DCTN5: variants seen among roughly 807,000 people sequenced by gnomAD.
The protein encoded by DCTN5 is dynactin subunit 5.
A neutral mutation model predicts 23.5 loss-of-function variants in DCTN5; 14 were observed. The observed-to-expected ratio is 0.60, with a 90% confidence interval of 0.39 to 0.93. The LOEUF is 0.93. Ranked by LOEUF, DCTN5 falls within the 40% of genes least tolerant of loss-of-function variation. The pLI, the probability that DCTN5 is intolerant of heterozygous loss-of-function variation, is 0.00. For synonymous variants in DCTN5, 67 were observed against 79.6 expected (o/e 0.84, Z 0.84); for missense variants, 156 against 225.9 (o/e 0.69, Z 1.98).
chr16:23,662,673 G>A (rs1464554086), intron 4 of DCTN5, among the ~76,000 whole-genome samples: 1 of 152,164 alleles, frequency 6.6e-6, no homozygotes. Flanking sequence ...GTACAGCAAA[G>A]GTGGACAGAA....
intron 4 of DCTN5, among the ~76,000 whole-genome samples, chr16:23,664,512 T>C (rs2140987253): frequency 6.6e-6 from 1 of 152,342 alleles, no homozygotes; most frequent in South Asian, 2.1e-4. Flanking sequence ...TCAGGTATAT[T>C]TTCTGATTGT....
intron 2 of DCTN5, among the ~76,000 whole-genome samples, chr16:23,650,033 G>T (rs1309362164): frequency 6.6e-6 from 1 of 151,590 alleles, no homozygotes; most frequent in Admixed American, 6.6e-5. Context: ...TAATTTCTAG[G>T]TTCTATTCTG....
intron 2 of DCTN5, among the ~76,000 whole-genome samples, chr16:23,646,582 T>TG (rs1239574289): frequency 2.0e-5 from 3 of 152,142 alleles, no homozygotes; most frequent in Non-Finnish European, 4.4e-5. Context: ...TTAATTTTTT[T>TG]TTTTGTTTTT....
intron 4 of DCTN5, among the ~76,000 whole-genome samples, chr16:23,663,361 G>A (rs550133001): frequency 6.6e-6 from 1 of 152,340 alleles, no homozygotes; most frequent in South Asian, 2.1e-4. Flanking sequence ...GGTAGCTGTA[G>A]TATTAGCAGC....
rs1967899449 is a variant in DCTN5 at position 23,666,026 on chromosome 16, A to C, written c.451+298A>C. Reference sequence around the variant, plus strand: ...GCTGTCTTCATAATAGAGTGATTTGAGGGGTGATACTCATGTCGGGATGGA... The same window carrying C: ...GCTGTCTTCATAATAGAGTGATTTGCGGGGTGATACTCATGTCGGGATGGA... On this transcript the variant is annotated intron_variant, in intron 5 of 5. Coordinates refer to ENST00000300087, the MANE Select transcript of DCTN5 (RefSeq NM_032486.4). 3 of 330,640 alleles carry C rather than the reference A, an allele frequency of 9.1e-6. No homozygotes were observed. In the Admixed American group the frequency reaches 1.4e-4, roughly 15 times the overall value. 20.5% of individuals were successfully genotyped at this position (330,640 alleles called of 1,614,324 possible).
intron 2 of DCTN5, among the ~76,000 whole-genome samples, chr16:23,649,344 T>C (rs1196605382): frequency 6.6e-6 from 1 of 152,234 alleles, no homozygotes; most frequent in Non-Finnish European, 1.5e-5. Context: ...GAAGATATGT[T>C]CTGCCATATT....
intron 2 of DCTN5, chr16:23,650,721 AC>A: frequency 1.3e-6 from 2 of 1,528,718 alleles, no homozygotes; most frequent in Non-Finnish European, 1.8e-6. Context: ...GCTGTTATGA[AC>A]AATCCATTTA....
rs771111092 is a variant in DCTN5, at chr16:23,669,030, G to A, written c.*1886G>A. The A allele has an allele frequency of 1.3e-5, 2 of 152,640 alleles. No homozygotes were observed. Among genetic ancestry groups the A allele is most frequent in the African/African-American group, 2.4e-5 (1 of 41,454 alleles). The allele number at this position is 152,640 out of a possible 1,614,324, so 9.5% of individuals were successfully genotyped here. ...TTTATAATTATGTGCTGATGTATTC[G>A]AAGATGTGTTGACAGTCGTGAGTGT... On this transcript the variant is annotated 3_prime_UTR_variant, in exon 6 of 6. Transcript: ENST00000300087.
chr16:23,646,413 A>C (rs972384519), intron 2 of DCTN5, among the ~76,000 whole-genome samples: 1 of 151,876 alleles, frequency 6.6e-6, no homozygotes, highest in Admixed American at 6.6e-5. Flanking sequence ...AAAAGTTTTT[A>C]ATTTTGAAGT....
chr16:23,647,521 G>A (rs1967494316), intron 2 of DCTN5, among the ~76,000 whole-genome samples: 1 of 149,622 alleles, frequency 6.7e-6, no homozygotes, highest in African/African-American at 2.5e-5. Context: ...TTTTTTTTGG[G>A]GGAGGGGGAT....
At chr16:23,647,989 A>G (rs1294785390) in intron 2 of DCTN5, among the ~76,000 whole-genome samples, 1 of 152,034 alleles carries the variant, frequency 6.6e-6, no homozygotes, top group Non-Finnish European at 1.5e-5. Flanking sequence ...CCCTATTCCT[A>G]TTTTTGCCAC....
At chr16:23,644,428 G>A (rs1377935613) in intron 2 of DCTN5, among the ~76,000 whole-genome samples, 4 of 151,210 alleles carry the variant, frequency 2.6e-5, no homozygotes, top group African/African-American at 9.7e-5. Context: ...AGCCTCCTGA[G>A]TAGCTAGGAC....
At chr16:23,655,067 T>TATATATA (rs1229699782) in intron 2 of DCTN5, among the ~76,000 whole-genome samples, 5 of 152,242 alleles carry the variant, frequency 3.3e-5, no homozygotes, top group Non-Finnish European at 7.3e-5. Flanking sequence ...GATATCTGGG[T>TATATATA]TAGAATCATA....
intron 2 of DCTN5, among the ~76,000 whole-genome samples, chr16:23,656,029 G>T (rs1359010066): frequency 6.6e-6 from 1 of 152,134 alleles, no homozygotes; most frequent in South Asian, 2.1e-4. Flanking sequence ...TTTGTGACCA[G>T]CCTGGGCAAC....
chr16:23,652,420 CGAACAGT>C lies in DCTN5; in HGVS notation c.118-6086_118-6080del, dbSNP rs1011611835. 2.2e-3 allele frequency among the ~76,000 whole-genome samples: 332 copies of C among 152,264 alleles called. 3 individuals carry two copies. The highest frequency in any genetic ancestry group is 7.7e-3 in the African/African-American group (318 of 41,564). On this transcript the variant is annotated intron_variant, in intron 2 of 5. Transcript: ENST00000300087. ...TCTCTTTGTCTTACCTCCCAACAGC[CGAACAGT>C]CACCAAGTCATATAGATTCTCTTCC...
intron 2 of DCTN5, chr16:23,657,364 G>A (rs895821859): frequency 5.9e-5 from 18 of 305,352 alleles, no homozygotes; most frequent in Non-Finnish European, 1.0e-4. Context: ...GCTTAGGCGG[G>A]AGGATCCCTT....
chr16:23,661,650 G>A (rs1435028179), intron 4 of DCTN5, among the ~76,000 whole-genome samples: 3 of 151,938 alleles, frequency 2.0e-5, no homozygotes, highest in Non-Finnish European at 2.9e-5. Flanking sequence ...CCCAGGAGGC[G>A]GAGGTTGCAA....
intron 2 of DCTN5, among the ~76,000 whole-genome samples, chr16:23,655,567 A>G (rs1042448942): frequency 1.4e-5 from 2 of 147,408 alleles, no homozygotes; most frequent in African/African-American, 5.0e-5. Context: ...TTCTTGAGGC[A>G]CAGTCTTGCT....
intron 2 of DCTN5, among the ~76,000 whole-genome samples, chr16:23,654,344 A>G (rs1967660885): frequency 6.6e-6 from 1 of 152,232 alleles, no homozygotes; most frequent in Admixed American, 6.5e-5. Flanking sequence ...CAATGCAGCC[A>G]TAAAAAAGAA....
Sources: gnomAD v4.1 joint callset for allele counts (sites outside exome capture counted in the v4.1 genomes callset) on GRCh38, gnomAD v4.1.1 for gene constraint, MANE v1.5 for transcripts, NCBI Gene and HGNC (gene_info 2026-07-23, HGNC 2026-07-21) for gene names.